ADAMTSL3: variants seen among roughly 807,000 people sequenced by gnomAD.
ADAMTSL3 encodes the protein ADAMTS like 3, also known as ADAMTS-like protein 3.
In ADAMTSL3, 128 loss-of-function variants were observed where a neutral mutation model predicts 201.7. The ratio of observed to expected loss-of-function variants is 0.63; its 90% CI spans 0.55 to 0.73. ADAMTSL3 has a LOEUF of 0.73. Among genes scored for constraint, ADAMTSL3 ranks in the 30% least tolerant of loss-of-function variants. The pLI is 0.00. For synonymous variants in ADAMTSL3, 738 were observed against 748.4 expected (o/e 0.99, Z 0.23); for missense variants, 1,990 against 2,119.6 (o/e 0.94, Z 1.20).
At chr15:83,712,647 C>A (rs1273284003) in intron 3 of ADAMTSL3, among the ~76,000 whole-genome samples, 1 of 152,196 alleles carries the variant, frequency 6.6e-6, no homozygotes, top group Non-Finnish European at 1.5e-5. Context: ...ACACTTGGAG[C>A]AATTTCTGTT....
chr15:83,702,011 A>G (rs2141494885), intron 2 of ADAMTSL3, among the ~76,000 whole-genome samples: 1 of 152,298 alleles, frequency 6.6e-6, no homozygotes, highest in East Asian at 1.9e-4. Flanking sequence ...GCTGATAATG[A>G]TATGAATGAA....
chr15:83,935,906 G>C (rs918030195), intron 17 of ADAMTSL3, among the ~76,000 whole-genome samples: 11 of 151,890 alleles, frequency 7.2e-5, no homozygotes. Flanking sequence ...GCACATCATA[G>C]GTAATCAATA....
chr15:83,824,967 T>C (rs2063990495), intron 6 of ADAMTSL3: 1 of 152,206 alleles, frequency 6.6e-6, no homozygotes, highest in African/African-American at 2.4e-5. Flanking sequence ...ATCATACCAA[T>C]TTTAGAATAT....
intron 6 of ADAMTSL3, among the ~76,000 whole-genome samples, chr15:83,825,631 A>G (rs1481714098): frequency 3.3e-5 from 5 of 152,112 alleles, no homozygotes; most frequent in Non-Finnish European, 7.3e-5. Flanking sequence ...AAATAAAAAT[A>G]TAAATAAATA....
chr15:83,887,063 A>T (rs2065407350), intron 10 of ADAMTSL3, among the ~76,000 whole-genome samples: 1 of 152,198 alleles, frequency 6.6e-6, no homozygotes, highest in South Asian at 2.1e-4. Flanking sequence ...GACCTGCAGC[A>T]TCAGCATCTC....
intron 16 of ADAMTSL3, among the ~76,000 whole-genome samples, chr15:83,920,581 G>C (rs2066121579): frequency 6.6e-6 from 1 of 152,158 alleles, no homozygotes; most frequent in African/African-American, 2.4e-5. Flanking sequence ...GCTAACAGCA[G>C]AAAGAGAAAA....
intron 5 of ADAMTSL3, among the ~76,000 whole-genome samples, chr15:83,807,812 TAG>T (rs1469185475): frequency 1.3e-5 from 2 of 152,216 alleles, no homozygotes; most frequent in African/African-American, 4.8e-5. Context: ...TGGCACAGAT[TAG>T]AGAGTCCAGA....
intron 16 of ADAMTSL3, among the ~76,000 whole-genome samples, chr15:83,916,809 T>C (rs1041523482): frequency 1.3e-5 from 2 of 149,060 alleles, no homozygotes; most frequent in Non-Finnish European, 3.0e-5. Context: ...AGGCTGGAAA[T>C]TGGGTACCTG....
At chr15:83,809,771 C>T (rs1266553396) in intron 5 of ADAMTSL3, among the ~76,000 whole-genome samples, 1 of 152,292 alleles carries the variant, frequency 6.6e-6, no homozygotes, top group Non-Finnish European at 1.5e-5. Context: ...CAGGAGATCT[C>T]ATTTCAAATG....
chr15:83,669,814 G>A (rs988260579), intron 2 of ADAMTSL3, among the ~76,000 whole-genome samples: 7 of 151,910 alleles, frequency 4.6e-5, no homozygotes, highest in African/African-American at 1.7e-4. Context: ...GTTGTGGCAG[G>A]CTTTTCTTTA....
chr15:83,751,869 T>G (rs1488058380), intron 3 of ADAMTSL3, among the ~76,000 whole-genome samples: 2 of 151,768 alleles, frequency 1.3e-5, no homozygotes, highest in African/African-American at 2.4e-5. Flanking sequence ...CCAACAATAG[T>G]TTGGGGGCAA....
At chr15:83,834,377 C>T (rs1489609284) in intron 6 of ADAMTSL3, among the ~76,000 whole-genome samples, 1 of 152,176 alleles carries the variant, frequency 6.6e-6, no homozygotes, top group East Asian at 1.9e-4. Flanking sequence ...TTCTGAGTAT[C>T]CCCACTGACT....
chr15:83,938,576 T>C (rs552380627), intron 17 of ADAMTSL3, among the ~76,000 whole-genome samples: 3 of 152,342 alleles, frequency 2.0e-5, no homozygotes, highest in African/African-American at 7.2e-5. Context: ...TTTTTTGTTA[T>C]GGTTACATTT....
intron 17 of ADAMTSL3, among the ~76,000 whole-genome samples, chr15:83,933,696 C>A (rs888186456): frequency 6.6e-6 from 1 of 152,222 alleles, no homozygotes; most frequent in Non-Finnish European, 1.5e-5. Flanking sequence ...ATCACAGGCC[C>A]AGAGGCCTAG....
At chr15:84,036,266 A>G (rs1054279877) in intron 28 of ADAMTSL3, among the ~76,000 whole-genome samples, 17 of 152,178 alleles carry the variant, frequency 1.1e-4, no homozygotes, top group Admixed American at 4.6e-4. Flanking sequence ...GTAGTTTCTG[A>G]CTGCAAGTCT....
intron 2 of ADAMTSL3, among the ~76,000 whole-genome samples, chr15:83,667,822 G>A (rs2061269937): frequency 6.6e-6 from 1 of 150,804 alleles, no homozygotes; most frequent in South Asian, 2.2e-4. Flanking sequence ...CCTACAGAGG[G>A]AGATTGGTGC....
chr15:84,002,665 C>A (rs948342885), intron 23 of ADAMTSL3, among the ~76,000 whole-genome samples: 1 of 152,122 alleles, frequency 6.6e-6, no homozygotes, highest in Non-Finnish European at 1.5e-5. Flanking sequence ...ACCCAGCCTT[C>A]CCCTTCTACC....
At chr15:83,768,515 A>T (rs78656169) in intron 3 of ADAMTSL3, among the ~76,000 whole-genome samples, 13,553 of 152,202 alleles carry the variant, frequency 0.089, 873 homozygotes, top group South Asian at 0.29. Context: ...TTTAAGACTT[A>T]AAATGTGCAA....
At position 83,903,917 on chromosome 15, in the gene ADAMTSL3, CAAAAAAAAAAAAAAAAAA is replaced by C. The variant is rs1168502648; in HGVS notation, c.1700+4196_1700+4213del. On this transcript the variant is annotated intron_variant, in intron 15 of 29. Coordinates refer to ENST00000286744, the MANE Select transcript of ADAMTSL3 (RefSeq NM_207517.3). ...TGGGTGACAGTGCCAGACTCCACATCAAAAAAAAAAAAAAAAAAAAAAAAAAAGAAAAAAGAAAGAAAG... is the reference window on the plus strand; with the variant it reads ...TGGGTGACAGTGCCAGACTCCACATCAAAAAAAAAGAAAAAAGAAAGAAAG... Among the ~76,000 whole-genome samples, 141 of 19,258 alleles carry C rather than the reference CAAAAAAAAAAAAAAAAAA, an allele frequency of 7.3e-3. 11 individuals carry two copies. The highest frequency in any genetic ancestry group is 0.014 in the Admixed American group (14 of 968). The allele number at this position is 19,258 out of a possible 152,430, so 12.6% of individuals were successfully genotyped here. A position where few individuals can be genotyped will look rare whatever the true frequency, so the allele number is the denominator to read the frequency against.
Sources: allele counts gnomAD v4.1 joint callset (sites outside exome capture counted in the v4.1 genomes callset), GRCh38; gene constraint gnomAD v4.1.1; transcripts MANE v1.5; gene names NCBI Gene and HGNC (gene_info 2026-07-23, HGNC 2026-07-21).